MRTFB: variants seen among roughly 807,000 people sequenced by gnomAD.
MRTFB encodes the protein myocardin related transcription factor B.
MRTFB carries 29 observed loss-of-function variants against 104.2 expected under a neutral mutation model. That is an observed-to-expected ratio of 0.28 (90% CI 0.21 to 0.38). The LOEUF (loss-of-function observed/expected upper bound fraction) is 0.38, where lower values mean the gene tolerates loss of function less well. Ranked by LOEUF, MRTFB falls within the 10% of genes least tolerant of loss-of-function variation. The pLI, the probability that MRTFB is intolerant of heterozygous loss-of-function variation, is 1.00. For missense variants in MRTFB, 1,270 were observed against 1,341.6 expected, an observed-to-expected ratio of 0.95 and a Z score of 0.83; for synonymous variants, 535 against 519.5, an observed-to-expected ratio of 1.03 and a Z score of -0.41.
the MRTFB span, among the ~76,000 whole-genome samples, chr16:14,018,688 C>A: frequency 6.6e-6 from 1 of 152,150 alleles, no homozygotes; most frequent in Admixed American, 6.5e-5. Flanking sequence ...CCCACCAGTC[C>A]CCAGCACTAA....
Position 14,247,234 on chromosome 16 carries a change from C to T in MRTFB, c.1974C>T (p.Ser658=). The T allele has an allele frequency of 6.2e-7, 1 of 1,614,222 alleles. No homozygotes were observed. Among genetic ancestry groups the T allele is most frequent in the Non-Finnish European group, 8.5e-7 (1 of 1,180,044 alleles). ...SSSRQPIPVA[S]HAVGQPVSTG... ...CCAGGCAGCCCATCCCAGTAGCCAG[C>T]CACGCTGTAGGCCAGCCCGTCTCTA... The change falls in exon 12 of 17, where the codon AGC becomes AGT. Residue 658 remains serine, a synonymous_variant. Transcript: ENST00000571589.
the MRTFB span, among the ~76,000 whole-genome samples, chr16:14,056,896 C>T: frequency 6.6e-6 from 1 of 152,068 alleles, no homozygotes; most frequent in Non-Finnish European, 1.5e-5. Flanking sequence ...GTCTAACATC[C>T]CTCTTTCCCC....
chr16:14,131,679 T>C (rs184924032), intron 2 of MRTFB, among the ~76,000 whole-genome samples: 1 of 151,196 alleles, frequency 6.6e-6, no homozygotes, highest in Admixed American at 6.6e-5. Flanking sequence ...AAATGGCCAA[T>C]AAAACATGAA....
At chr16:14,074,828 T>G (rs557375856) in intron 1 of MRTFB, among the ~76,000 whole-genome samples, 1 of 152,340 alleles carries the variant, frequency 6.6e-6, no homozygotes, top group East Asian at 1.9e-4. Flanking sequence ...CTGTAGAGAT[T>G]TTCCCTTTAT....
chr16:14,152,915 G>A (rs1189624320), intron 3 of MRTFB: 1 of 152,124 alleles, frequency 6.6e-6, no homozygotes, highest in Admixed American at 6.5e-5. Context: ...TTTGATATCT[G>A]ATTCTGTTGT....
At chr16:14,139,757 A>G (rs1470552445) in intron 2 of MRTFB, among the ~76,000 whole-genome samples, 1 of 152,228 alleles carries the variant, frequency 6.6e-6, no homozygotes, top group African/African-American at 2.4e-5. Flanking sequence ...AGGTGAAAGG[A>G]TGAACACACT....
intron 2 of MRTFB, among the ~76,000 whole-genome samples, chr16:14,089,248 G>A (rs2034906248): frequency 6.6e-6 from 1 of 152,032 alleles, no homozygotes; most frequent in African/African-American, 2.4e-5. Context: ...CATCACTTCT[G>A]ACTAATTCCA....
chr16:14,233,781 C>CAAAAAAAAAA (rs1007606658), intron 8 of MRTFB, among the ~76,000 whole-genome samples: 9 of 49,998 alleles, frequency 1.8e-4, no homozygotes, highest in Non-Finnish European at 2.9e-4. Context: ...GACTCCCTCT[C>CAAAAAAAAAA]AAAAAAAAAA....
At chr16:14,095,502 A>T (rs2035310070) in intron 2 of MRTFB, among the ~76,000 whole-genome samples, 1 of 152,254 alleles carries the variant, frequency 6.6e-6, no homozygotes, top group African/African-American at 2.4e-5. Flanking sequence ...TTGCCTATAG[A>T]TGTTAAGCCA....
At chr16:14,250,284 T>C (rs1390779026) in intron 13 of MRTFB, among the ~76,000 whole-genome samples, 1 of 152,238 alleles carries the variant, frequency 6.6e-6, no homozygotes, top group Non-Finnish European at 1.5e-5. Flanking sequence ...TTCCTGCTTA[T>C]GAAATACAGA....
chr16:14,077,811 T>C (rs532802693), intron 1 of MRTFB, among the ~76,000 whole-genome samples: 1 of 152,140 alleles, frequency 6.6e-6, no homozygotes, highest in East Asian at 1.9e-4. Context: ...CTCATTTTTT[T>C]CCCACTGTTA....
intron 10 of MRTFB, among the ~76,000 whole-genome samples, chr16:14,242,000 T>TAATAAC (rs1382100576): frequency 6.7e-6 from 1 of 148,950 alleles, no homozygotes; most frequent in Admixed American, 6.7e-5. Context: ...ATAATAATAA[T>TAATAAC]AATAATAATA....
At chr16:14,145,062 C>G (rs917812604) in intron 3 of MRTFB, among the ~76,000 whole-genome samples, 1 of 147,484 alleles carries the variant, frequency 6.8e-6, no homozygotes, top group African/African-American at 2.5e-5. Context: ...TTTTTTAAAT[C>G]TAAGTTTTTG....
At chr16:14,051,554 C>G in the MRTFB span, among the ~76,000 whole-genome samples, 2 of 151,906 alleles carry the variant, frequency 1.3e-5, no homozygotes, top group Non-Finnish European at 2.9e-5. Context: ...CACACACAGA[C>G]AGTACACTCA....
At chr16:14,260,862 G>A in intron 16 of MRTFB, 47 bp from the exon 17 acceptor site, 2 of 1,483,908 alleles carry the variant, frequency 1.3e-6, no homozygotes, top group Non-Finnish European at 1.8e-6. Flanking sequence ...AAATTTTTAA[G>A]TAGTAGTAAA....
Position 14,261,403 on chromosome 16 carries a change from G to A in MRTFB, c.3259G>A (p.Asp1087Asn), listed in dbSNP as rs768416225. ...STTAPSMFSADFLDPQDLPLP... is the reference protein window; with the variant it reads ...STTAPSMFSANFLDPQDLPLP... The stretch of plus-strand genomic sequence containing the variant: ...CACCGCGCCGAGCATGTTCTCTGCT[G>A]ACTTTCTAGACCCACAGGACCTACC... The change falls in exon 17 of 17, where the codon GAC becomes AAC. Residue 1087 changes from aspartate (D) to asparagine (N), a missense_variant. Asp to Asn is a conservative substitution (Grantham distance 23). Transcript: ENST00000571589. 5.8e-5 allele frequency: 93 copies of A among 1,612,292 alleles called. No individual in the cohort carries two copies. Among genetic ancestry groups the A allele is most frequent in the Non-Finnish European group, 7.6e-5 (90 of 1,178,780 alleles).
chr16:14,094,051 A>G (rs916530339), intron 2 of MRTFB, among the ~76,000 whole-genome samples: 3 of 152,248 alleles, frequency 2.0e-5, no homozygotes, highest in African/African-American at 7.2e-5. Flanking sequence ...AAAAAGTTAC[A>G]GTGTAGATGT....
chr16:14,040,345 T>G, the MRTFB span, among the ~76,000 whole-genome samples: 1 of 152,258 alleles, frequency 6.6e-6, no homozygotes, highest in African/African-American at 2.4e-5. Flanking sequence ...TGCTGGGTTA[T>G]AGAATACATG....
At chr16:14,119,234 T>C (rs1171585733) in intron 2 of MRTFB, among the ~76,000 whole-genome samples, 2 of 151,982 alleles carry the variant, frequency 1.3e-5, no homozygotes, top group Admixed American at 1.3e-4. Context: ...ATACAGAAAA[T>C]GGAAGTGAGG....
Sources: allele counts gnomAD v4.1 joint callset (sites outside exome capture counted in the v4.1 genomes callset), GRCh38; gene constraint gnomAD v4.1.1; transcripts MANE v1.5; gene names NCBI Gene and HGNC (gene_info 2026-07-23, HGNC 2026-07-21).